Variants in PDHX observed in about 807,000 individuals in gnomAD.
PDHX encodes the protein pyruvate dehydrogenase complex component X.
PDHX carries 33 observed loss-of-function variants against 55.3 expected under a neutral mutation model. That is an observed-to-expected ratio of 0.60 (90% CI 0.45 to 0.80). The LOEUF is 0.80. Among genes scored for constraint, PDHX ranks in the 30% least tolerant of loss-of-function variants. The pLI, the probability that PDHX is intolerant of heterozygous loss-of-function variation, is 0.00. For missense variants in PDHX, 622 were observed against 619.9 expected, an observed-to-expected ratio of 1.00 and a Z score of -0.04; for synonymous variants, 226 against 219.4, an observed-to-expected ratio of 1.03 and a Z score of -0.27.
At chr11:34,916,001 G>C, upstream of PDHX, 3 of 601,324 alleles carry the variant, frequency 5.0e-6, no homozygotes, top group Non-Finnish European at 8.6e-6. Flanking sequence ...TTGGCGCCCA[G>C]CTCCCGCCAT....
At chr11:34,968,762 T>C (rs1380537117) in intron 6 of PDHX, among the ~76,000 whole-genome samples, 1 of 152,216 alleles carries the variant, frequency 6.6e-6, no homozygotes, top group African/African-American at 2.4e-5. Context: ...TTTCAAAATA[T>C]TGGAAGACCC....
chr11:34,936,989 A>C (rs1272071300), intron 2 of PDHX, among the ~76,000 whole-genome samples: 1 of 151,848 alleles, frequency 6.6e-6, no homozygotes, highest in Non-Finnish European at 1.5e-5. Flanking sequence ...AGGTTTCACC[A>C]TGTTGGCTGG....
Position 34,916,715 on chromosome 11 carries a change from C to A in PDHX, c.60C>A (p.Phe20Leu), listed in dbSNP as rs769800412. 15 of 1,613,168 alleles carry A rather than the reference C, an allele frequency of 9.3e-6. No individual in the cohort carries two copies. The highest frequency in any genetic ancestry group is 1.3e-5 in the Non-Finnish European group (15 of 1,179,850). The change falls in exon 1 of 11, where the codon TTC (phenylalanine) becomes TTA (leucine). Residue 20 changes from phenylalanine to leucine, a missense_variant. Physicochemically the swap from Phe to Leu is conservative, Grantham distance 22. Transcript: ENST00000227868. ...GGCTGCTGCGTTATCTTGTGGGCTT[C>A]CCCGGCCGCCGAAGCGTAGGGCTGG... The part of the protein sequence containing the change: ...DPRLLRYLVG[F>L]PGRRSVGLVK...
intron 1 of PDHX, among the ~76,000 whole-genome samples, chr11:34,930,939 T>C (rs1854147289): frequency 1.2e-4 from 19 of 152,260 alleles, no homozygotes; most frequent in Admixed American, 1.2e-3. Context: ...TCTTAAAGTC[T>C]GATCTTGATT....
intron 5 of PDHX, among the ~76,000 whole-genome samples, chr11:34,964,189 G>C (rs569281766): frequency 6.6e-6 from 1 of 152,252 alleles, no homozygotes; most frequent in South Asian, 2.1e-4. Context: ...TCCAAGTTTA[G>C]TCTGATTATT....
intron 3 of PDHX, among the ~76,000 whole-genome samples, chr11:34,949,668 G>A (rs954573714): frequency 6.6e-6 from 1 of 152,138 alleles, no homozygotes; most frequent in Admixed American, 6.5e-5. Context: ...TAATAAAGTA[G>A]AATCTTAGGA....
chr11:34,946,750 G>C (rs1317301600), intron 2 of PDHX, among the ~76,000 whole-genome samples: 3 of 152,178 alleles, frequency 2.0e-5, no homozygotes, highest in Non-Finnish European at 2.9e-5. Context: ...CTCACATTAT[G>C]AGTAGAAGAA....
intron 5 of PDHX, among the ~76,000 whole-genome samples, chr11:34,961,713 A>G (rs1855024594): frequency 6.6e-6 from 1 of 152,164 alleles, no homozygotes; most frequent in Non-Finnish European, 1.5e-5. Context: ...ATTTATGTGT[A>G]TTACACTCTT....
intron 9 of PDHX, 30 bp from the exon 10 acceptor site, chr11:34,992,285 G>C: frequency 7.3e-7 from 1 of 1,365,456 alleles, no homozygotes; most frequent in Non-Finnish European, 1.0e-6. Context: ...CATTTTGTTG[G>C]TTGTCCTATT....
At chr11:34,992,670 T>C (rs1473291035) in intron 10 of PDHX, among the ~76,000 whole-genome samples, 2 of 152,170 alleles carry the variant, frequency 1.3e-5, no homozygotes, top group Non-Finnish European at 2.9e-5. Flanking sequence ...TTAATGTCTG[T>C]AATATTATAT....
At chr11:34,919,246 A>G (rs1853815314) in intron 1 of PDHX, among the ~76,000 whole-genome samples, 1 of 152,050 alleles carries the variant, frequency 6.6e-6, no homozygotes, top group Non-Finnish European at 1.5e-5. Flanking sequence ...TGCCGAAAAC[A>G]CGTGGCAATC....
At chr11:34,933,361 T>A (rs1363946345) in intron 2 of PDHX, among the ~76,000 whole-genome samples, 1 of 152,222 alleles carries the variant, frequency 6.6e-6, no homozygotes, top group African/African-American at 2.4e-5. Context: ...AACTGAAGGA[T>A]AAAGCGTCTC....
chr11:34,990,140 A>G (rs1027217601), intron 9 of PDHX, among the ~76,000 whole-genome samples: 7 of 152,184 alleles, frequency 4.6e-5, no homozygotes, highest in African/African-American at 1.7e-4. Flanking sequence ...CACACCTTGG[A>G]TCCTGTGTTA....
chr11:34,947,422 T>G, intron 2 of PDHX, 84 bp from the exon 3 acceptor site: 1 of 895,780 alleles, frequency 1.1e-6, no homozygotes, highest in South Asian at 1.5e-5. Context: ...TTTTGGTATT[T>G]ATTTATGTTT....
intron 2 of PDHX, among the ~76,000 whole-genome samples, chr11:34,945,493 G>A (rs1182161266): frequency 2.6e-5 from 4 of 151,990 alleles, no homozygotes; most frequent in African/African-American, 9.7e-5. Flanking sequence ...TGATGGTTTG[G>A]CAGCATACAA....
At chr11:34,970,493 TTAAA>T in intron 7 of PDHX, among the ~76,000 whole-genome samples, 1 of 152,224 alleles carries the variant, frequency 6.6e-6, no homozygotes, top group East Asian at 1.9e-4. Context: ...TTCCACAGTA[TTAAA>T]TAAATCACAG....
At chr11:34,950,137 C>T (rs1854721167) in intron 3 of PDHX, among the ~76,000 whole-genome samples, 1 of 151,632 alleles carries the variant, frequency 6.6e-6, no homozygotes, top group South Asian at 2.1e-4. Flanking sequence ...CCTTCCCCAC[C>T]CTTATTTTTT....
intron 9 of PDHX, among the ~76,000 whole-genome samples, chr11:34,985,582 G>A (rs746182825): frequency 3.9e-5 from 6 of 152,232 alleles, no homozygotes; most frequent in Admixed American, 6.5e-5. Context: ...AACACAGGCA[G>A]TAGGGCAGCT....
intron 7 of PDHX, among the ~76,000 whole-genome samples, chr11:34,977,422 A>G (rs564546511): frequency 7.9e-5 from 12 of 152,278 alleles, no homozygotes; most frequent in Non-Finnish European, 1.6e-4. Flanking sequence ...ATCATTATGT[A>G]TACTGGAAAG....
Sources: gnomAD v4.1 joint callset for allele counts (sites outside exome capture counted in the v4.1 genomes callset) on GRCh38, gnomAD v4.1.1 for gene constraint, MANE v1.5 for transcripts, NCBI Gene and HGNC (gene_info 2026-07-23, HGNC 2026-07-21) for gene names.